The following SLC35F3 variants were observed in gnomAD, a reference collection of about 807,000 sequenced individuals.
SLC35F3 encodes the protein solute carrier family 35 member F3, also known as putative thiamine transporter SLC35F3.
Under a neutral mutation model 49.9 loss-of-function variants are expected in SLC35F3, and 25 were observed. The observed-to-expected ratio is 0.50, with a 90% CI of 0.37 to 0.70. The LOEUF is 0.70. Among genes scored for constraint, SLC35F3 ranks in the 30% least tolerant of loss-of-function variants. The pLI is 0.00. For missense variants in SLC35F3, 525 were observed against 639.8 expected (o/e 0.82, Z 1.94); for synonymous variants, 275 against 265.4 (o/e 1.04, Z -0.35).
At chr1:234,148,126 C>T (rs768269459) in intron 2 of SLC35F3, among the ~76,000 whole-genome samples, 6 of 152,210 alleles carry the variant, frequency 3.9e-5, no homozygotes, top group Admixed American at 3.9e-4. Flanking sequence ...GCCAAGTTAT[C>T]CCTTCCTGTA....
chr1:234,018,605 C>T (rs1313044443), intron 2 of SLC35F3, among the ~76,000 whole-genome samples: 1 of 152,200 alleles, frequency 6.6e-6, no homozygotes, highest in Non-Finnish European at 1.5e-5. Context: ...GGAAGACAAA[C>T]ATTTATATCA....
intron 3 of SLC35F3, among the ~76,000 whole-genome samples, chr1:234,245,029 C>T (rs565389302): frequency 3.3e-5 from 5 of 152,244 alleles, no homozygotes; most frequent in Middle Eastern, 3.4e-3. Flanking sequence ...TGCTAAGCAT[C>T]GTCACCCTAG....
intron 2 of SLC35F3, among the ~76,000 whole-genome samples, chr1:234,159,945 C>T (rs1458592): frequency 0.15 from 22,765 of 152,172 alleles, 5,411 homozygotes; most frequent in African/African-American, 0.5. Flanking sequence ...GCAGGAATCA[C>T]TGGTGCCAAA....
At chr1:234,275,334 C>A (rs554466267) in intron 3 of SLC35F3, among the ~76,000 whole-genome samples, 9,121 of 143,410 alleles carry the variant, frequency 0.064, 327 homozygotes, top group African/African-American at 0.1. Context: ...CCCAAAATCC[C>A]AAAAAAAAAA....
At chr1:234,299,942 G>T (rs1668668135) in intron 3 of SLC35F3, among the ~76,000 whole-genome samples, 1 of 151,898 alleles carries the variant, frequency 6.6e-6, no homozygotes, top group African/African-American at 2.4e-5. Flanking sequence ...AGAGAAAAGA[G>T]CATGAACCTT....
intron 2 of SLC35F3, among the ~76,000 whole-genome samples, chr1:234,074,943 T>C (rs1558222222): frequency 6.6e-6 from 1 of 152,232 alleles, no homozygotes; most frequent in East Asian, 1.9e-4. Context: ...AAGGCGTTGA[T>C]CAAGAGCCTG....
Position 234,040,402 on chromosome 1 carries a change from A to T in SLC35F3, c.283+134644A>T, listed in dbSNP as rs139113625. Among the ~76,000 whole-genome samples the T allele has an allele frequency of 1.2e-3, 183 of 152,306 alleles. 1 individual carries two copies. In the South Asian group the frequency reaches 0.016, roughly 13 times the overall value. ...ATCAGGAGAGAGAGGGCAAATAGGG[A>T]TAGAAGTTCTCGCTTTGGGTCACAG... On this transcript the variant is annotated intron_variant, in intron 2 of 7. Coordinates refer to ENST00000366618, the MANE Select transcript of SLC35F3 (RefSeq NM_173508.4).
chr1:234,183,919 C>G (rs1666596814), intron 2 of SLC35F3, among the ~76,000 whole-genome samples: 1 of 118,668 alleles, frequency 8.4e-6, no homozygotes, highest in Non-Finnish European at 1.8e-5. Flanking sequence ...TGCTAGACAC[C>G]AGCAGAGCAG....
At chr1:233,962,498 T>G (rs956850698) in intron 2 of SLC35F3, among the ~76,000 whole-genome samples, 2 of 152,228 alleles carry the variant, frequency 1.3e-5, no homozygotes, top group Non-Finnish European at 2.9e-5. Context: ...CATGCAAAAT[T>G]AAGTCCAATG....
chr1:234,155,519 C>T (rs1463185322), intron 2 of SLC35F3, among the ~76,000 whole-genome samples: 2 of 151,940 alleles, frequency 1.3e-5, no homozygotes, highest in Admixed American at 6.6e-5. Flanking sequence ...AAGCGATTCT[C>T]CTGCCTCAGT....
chr1:234,157,724 A>G (rs1311851269), intron 2 of SLC35F3, among the ~76,000 whole-genome samples: 2 of 152,138 alleles, frequency 1.3e-5, no homozygotes, highest in African/African-American at 2.4e-5. Flanking sequence ...CACTTACAGT[A>G]CATGCAAAGC....
intron 2 of SLC35F3, among the ~76,000 whole-genome samples, chr1:234,051,104 T>C (rs1395791749): frequency 6.6e-6 from 1 of 152,202 alleles, no homozygotes; most frequent in Non-Finnish European, 1.5e-5. Flanking sequence ...TGGCTTAGGA[T>C]TGTCTTGGCA....
chr1:234,287,591 G>A (rs370164062), intron 3 of SLC35F3, among the ~76,000 whole-genome samples: 3 of 152,240 alleles, frequency 2.0e-5, no homozygotes, highest in Non-Finnish European at 2.9e-5. Context: ...TCATTCACCC[G>A]ACAACCATAA....
At chr1:234,301,015 T>C (rs930294089) in intron 3 of SLC35F3, among the ~76,000 whole-genome samples, 3 of 152,138 alleles carry the variant, frequency 2.0e-5, no homozygotes, top group African/African-American at 4.8e-5. Flanking sequence ...CTGGCCTGGG[T>C]AGAAACATGA....
intron 2 of SLC35F3, among the ~76,000 whole-genome samples, chr1:233,932,707 G>A (rs1662264927): frequency 6.6e-6 from 1 of 152,220 alleles, no homozygotes; most frequent in South Asian, 2.1e-4. Flanking sequence ...ATCCTTGATG[G>A]ATCAGTTGTT....
intron 3 of SLC35F3, among the ~76,000 whole-genome samples, chr1:234,271,692 T>C (rs960447025): frequency 6.6e-6 from 1 of 152,212 alleles, no homozygotes; most frequent in East Asian, 1.9e-4. Flanking sequence ...TTTTATCATA[T>C]CATGAATAGA....
intron 2 of SLC35F3, among the ~76,000 whole-genome samples, chr1:234,105,508 T>C (rs1254808177): frequency 1.3e-5 from 2 of 152,190 alleles, no homozygotes; most frequent in Admixed American, 1.3e-4. Context: ...CCAGCAGGTA[T>C]TCACCATTGC....
intron 2 of SLC35F3, among the ~76,000 whole-genome samples, chr1:233,955,698 A>T (rs1420799994): frequency 6.6e-6 from 1 of 151,298 alleles, no homozygotes; most frequent in Non-Finnish European, 1.5e-5. Context: ...GTTCACACTG[A>T]TACTCAGTAA....
At chr1:233,918,683 C>T (rs564092508) in intron 2 of SLC35F3, among the ~76,000 whole-genome samples, 51 of 151,962 alleles carry the variant, frequency 3.4e-4, no homozygotes, top group Non-Finnish European at 6.8e-4. Flanking sequence ...AGGAGAAGTG[C>T]TTGAGCCTGG....
Sources: allele counts gnomAD v4.1 joint callset (sites outside exome capture counted in the v4.1 genomes callset), GRCh38; gene constraint gnomAD v4.1.1; transcripts MANE v1.5; gene names NCBI Gene and HGNC (gene_info 2026-07-23, HGNC 2026-07-21).